The following PTPRE variants were observed in gnomAD, a reference collection of about 807,000 sequenced individuals.
PTPRE encodes the protein receptor-type tyrosine-protein phosphatase epsilon.
In PTPRE, 51 loss-of-function variants were observed where a neutral mutation model predicts 102.0. That is an observed-to-expected ratio of 0.50 (90% confidence interval 0.40 to 0.63). The LOEUF (loss-of-function observed/expected upper bound fraction) is 0.63. Among genes scored for constraint, PTPRE ranks in the 30% least tolerant of loss-of-function variants. The pLI is 0.00. For missense variants in PTPRE, 752 were observed against 915.1 expected, an observed-to-expected ratio of 0.82 and a Z score of 2.30; for synonymous variants, 345 against 348.2, an observed-to-expected ratio of 0.99 and a Z score of 0.10.
chr10:128,030,923 C>T (rs1020691943), intron 2 of PTPRE, among the ~76,000 whole-genome samples: 3 of 152,222 alleles, frequency 2.0e-5, no homozygotes, highest in Non-Finnish European at 4.4e-5. Context: ...GCGCCCCTAC[C>T]ACATCGTGTG....
intron 1 of PTPRE, among the ~76,000 whole-genome samples, chr10:127,958,891 CTTTTTTTTTT>C (rs572936097): frequency 8.3e-6 from 1 of 120,872 alleles, no homozygotes; most frequent in Non-Finnish European, 1.8e-5. Context: ...TTCAACTTGC[CTTTTTTTTTT>C]TTTTTTTTTC....
At chr10:128,024,682 T>C (rs1440874401) in intron 2 of PTPRE, among the ~76,000 whole-genome samples, 1 of 152,218 alleles carries the variant, frequency 6.6e-6, no homozygotes, top group Non-Finnish European at 1.5e-5. Context: ...CCTGTGCCTG[T>C]GCTGGTCCCA....
chr10:127,918,124 G>T (rs1223742555), intron 1 of PTPRE, among the ~76,000 whole-genome samples: 1 of 152,132 alleles, frequency 6.6e-6, no homozygotes, highest in Non-Finnish European at 1.5e-5. Flanking sequence ...AGGTGAGAAT[G>T]ATCTCGAGAA....
intron 20 of PTPRE, among the ~76,000 whole-genome samples, chr10:128,082,439 T>C (rs1220722680): frequency 6.6e-6 from 1 of 151,968 alleles, no homozygotes; most frequent in Non-Finnish European, 1.5e-5. Context: ...GGTCTGGAAC[T>C]CCTGGGCTCA....
intron 2 of PTPRE, among the ~76,000 whole-genome samples, chr10:128,011,510 G>GCCAC (rs1210168062): frequency 6.6e-6 from 1 of 152,216 alleles, no homozygotes; most frequent in Non-Finnish European, 1.5e-5. Flanking sequence ...ACCCGACGGT[G>GCCAC]CCACCTTCTG....
chr10:128,082,735 T>A (rs921767217), intron 20 of PTPRE, 97 bp from the exon 21 acceptor site: 1 of 1,363,384 alleles, frequency 7.3e-7, no homozygotes, highest in Non-Finnish European at 9.8e-7. Flanking sequence ...TAATGAATAG[T>A]CACACTTATT....
chr10:127,947,538 C>T (rs1848713427), intron 1 of PTPRE, among the ~76,000 whole-genome samples: 1 of 152,220 alleles, frequency 6.6e-6, no homozygotes, highest in Admixed American at 6.5e-5. Context: ...ATGCCTCTGA[C>T]ATTTTACCTT....
chr10:127,961,457 C>T (rs1443276888), intron 1 of PTPRE, among the ~76,000 whole-genome samples: 1 of 152,104 alleles, frequency 6.6e-6, no homozygotes, highest in Non-Finnish European at 1.5e-5. Flanking sequence ...CCACAGTGGC[C>T]TGGGCTCTTC....
At chr10:127,953,273 C>T (rs1327808593) in intron 1 of PTPRE, among the ~76,000 whole-genome samples, 1 of 152,202 alleles carries the variant, frequency 6.6e-6, no homozygotes, top group Non-Finnish European at 1.5e-5. Flanking sequence ...GATAGGGATG[C>T]TGTTTGGAGC....
intron 15 of PTPRE, chr10:128,071,864 G>A (rs572005416): frequency 8.9e-5 from 29 of 325,494 alleles, no homozygotes; most frequent in African/African-American, 1.7e-4. Flanking sequence ...CTCCTTCAGC[G>A]CAATATTTTT....
At position 128,063,260 on chromosome 10, in the gene PTPRE, T is replaced by C. The variant is rs553778887; in HGVS notation, c.723+80T>C. The C allele has an allele frequency of 1.1e-4, 168 of 1,561,022 alleles. 1 individual carries two copies. The East Asian group carries it at 3.7e-3, about 34-fold the overall frequency. The stretch of plus-strand genomic sequence containing the variant: ...GCTGGGGATGTTCTTACCACTTCCT[T>C]TTCCTACTTCCCTCCCTTCCTCCCA... On this transcript the variant is annotated intron_variant, in intron 10 of 20. Transcript: ENST00000254667.
intron 17 of PTPRE, among the ~76,000 whole-genome samples, chr10:128,074,176 C>A (rs1851028892): frequency 6.6e-6 from 1 of 152,216 alleles, no homozygotes; most frequent in Non-Finnish European, 1.5e-5. Context: ...TGGAATCATA[C>A]AGTATGTGGT....
chr10:128,006,470 A>G (rs1854557019), intron 2 of PTPRE, among the ~76,000 whole-genome samples: 1 of 152,218 alleles, frequency 6.6e-6, no homozygotes. Context: ...TCTGAACTAA[A>G]TAGAGTCCAG....
rs565098083 is a variant in PTPRE, at chr10:128,084,980, G to A, written c.*2074G>A. ...ACCTTTTCAGGGTGCCCTCAGGAAA[G>A]GGCCCTGCTCATGTTTTTTTCCTGT... On this transcript the variant is annotated 3_prime_UTR_variant, in exon 21 of 21. Transcript: ENST00000254667. The A allele has an allele frequency of 1.6e-5, 6 of 370,698 alleles. No individual in the cohort carries two copies. Among genetic ancestry groups the A allele is most frequent in the Non-Finnish European group, 1.6e-5 (3 of 183,260 alleles). The allele number at this position is 370,698 out of a possible 1,614,324, so 23.0% of individuals were successfully genotyped here. A position where few individuals can be genotyped will look rare whatever the true frequency, so the allele number is the denominator to read the frequency against.
rs113631272 is a variant in PTPRE at position 127,974,238 on chromosome 10, G to A, written c.-30-8036G>A. The stretch of plus-strand genomic sequence containing the variant: ...GTCCAGGCCTTATACTGAGTTCTGC[G>A]TCCGGTCCTTACCTCCTTTACTAAC... On this transcript the variant is annotated intron_variant, in intron 1 of 20. Transcript: ENST00000254667. 6.2e-3 allele frequency among the ~76,000 whole-genome samples: 939 copies of A among 152,268 alleles called. 13 individuals carry two copies. Among genetic ancestry groups the A allele is most frequent in the African/African-American group, 0.021 (881 of 41,552 alleles).
chr10:127,920,094 G>C (rs1846487527), intron 1 of PTPRE, among the ~76,000 whole-genome samples: 1 of 152,146 alleles, frequency 6.6e-6, no homozygotes, highest in African/African-American at 2.4e-5. Flanking sequence ...TAACTGCTGC[G>C]AGTTTGTGGC....
chr10:128,012,258 A>G (rs1162213872), intron 2 of PTPRE, among the ~76,000 whole-genome samples: 1 of 152,092 alleles, frequency 6.6e-6, no homozygotes, highest in Non-Finnish European at 1.5e-5. Context: ...TCCCAATGCA[A>G]CTCACCTTTG....
intron 2 of PTPRE, among the ~76,000 whole-genome samples, chr10:128,025,158 CAA>C (rs71472683): frequency 1.1e-4 from 7 of 65,788 alleles, no homozygotes; most frequent in African/African-American, 3.3e-4. Context: ...GATCCTGTCT[CAA>C]AAAAAAAAAA....
intron 2 of PTPRE, among the ~76,000 whole-genome samples, chr10:128,027,665 G>A (rs1487535805): frequency 3.9e-5 from 6 of 152,322 alleles, no homozygotes; most frequent in Non-Finnish European, 5.9e-5. Flanking sequence ...AAAGGTATCC[G>A]GGCATCATTT....
Sources: allele counts gnomAD v4.1 joint callset (sites outside exome capture counted in the v4.1 genomes callset), GRCh38; gene constraint gnomAD v4.1.1; transcripts MANE v1.5; gene names NCBI Gene and HGNC (gene_info 2026-07-23, HGNC 2026-07-21).